NTM: variants seen among roughly 807,000 people sequenced by gnomAD.
NTM encodes neurotrimin.
A neutral mutation model predicts 42.1 loss-of-function variants in NTM; 13 were observed. That is an observed-to-expected ratio of 0.31 (90% CI 0.20 to 0.49). The LOEUF is 0.49. Ranked by LOEUF, NTM falls within the 20% of genes least tolerant of loss-of-function variation. The probability of loss-of-function intolerance (pLI) is 0.99; values close to 1 mark genes in which losing one functional copy is unlikely to be tolerated. For missense variants in NTM, 373 were observed against 452.8 expected (o/e 0.82, Z 1.60); for synonymous variants, 187 against 179.2 (o/e 1.04, Z -0.35).
At chr11:131,404,837 A>T (rs1268342568) in intron 1 of NTM, among the ~76,000 whole-genome samples, 1 of 152,196 alleles carries the variant, frequency 6.6e-6, no homozygotes, top group East Asian at 1.9e-4. Flanking sequence ...ATTGCCATTT[A>T]AAATTCCTTC....
intron 4 of NTM, among the ~76,000 whole-genome samples, chr11:132,213,203 A>G (rs960757056): frequency 1.6e-4 from 24 of 152,148 alleles, no homozygotes; most frequent in Admixed American, 1.1e-3. Context: ...TGTGATTGGC[A>G]TGAAAGACGC....
chr11:131,893,134 G>A (rs1489331627), intron 1 of NTM, among the ~76,000 whole-genome samples: 2 of 152,194 alleles, frequency 1.3e-5, no homozygotes, highest in Admixed American at 1.3e-4. Context: ...TATTGGTAGG[G>A]TTGGGTATTA....
intron 1 of NTM, among the ~76,000 whole-genome samples, chr11:131,635,830 T>A (rs1161239463): frequency 6.6e-6 from 1 of 152,220 alleles, no homozygotes. Flanking sequence ...GTAAGTGCCC[T>A]ATACAGGGGC....
intron 4 of NTM, among the ~76,000 whole-genome samples, chr11:132,260,224 G>A (rs2092761763): frequency 6.6e-6 from 1 of 150,592 alleles, no homozygotes; most frequent in African/African-American, 2.5e-5. Flanking sequence ...GCCCATGGAT[G>A]AATCAATGTT....
At chr11:132,135,023 TG>T (rs1164867085) in intron 2 of NTM, among the ~76,000 whole-genome samples, 4 of 152,104 alleles carry the variant, frequency 2.6e-5, no homozygotes, top group African/African-American at 9.7e-5. Flanking sequence ...CACATGCTCC[TG>T]CCACCCACTG....
intron 1 of NTM, among the ~76,000 whole-genome samples, chr11:131,716,828 C>G (rs997891800): frequency 6.6e-6 from 1 of 152,058 alleles, no homozygotes. Flanking sequence ...CTGTTGATTA[C>G]TAAAGCTTTT....
At chr11:132,068,281 A>G (rs1010418615) in intron 2 of NTM, among the ~76,000 whole-genome samples, 1 of 152,158 alleles carries the variant, frequency 6.6e-6, no homozygotes, top group African/African-American at 2.4e-5. Flanking sequence ...TTTTGCTCAC[A>G]TTTTACTATA....
chr11:131,973,509 A>G (rs10894478), intron 2 of NTM, among the ~76,000 whole-genome samples: 49,384 of 152,072 alleles, frequency 0.32, 8,583 homozygotes, highest in East Asian at 0.48. Flanking sequence ...TGTTCTTCTC[A>G]TCTTGTTTTT....
chr11:131,645,826 T>C (rs1218999438), intron 1 of NTM, among the ~76,000 whole-genome samples: 1 of 152,170 alleles, frequency 6.6e-6, no homozygotes, highest in African/African-American at 2.4e-5. Context: ...ATGGAGCATA[T>C]GGAATGGATG....
At chr11:131,813,313 A>G (rs971232635) in intron 1 of NTM, among the ~76,000 whole-genome samples, 5 of 152,160 alleles carry the variant, frequency 3.3e-5, no homozygotes, top group Admixed American at 6.5e-5. Flanking sequence ...CGCACCTTCA[A>G]AACATATCTA....
chr11:131,572,227 G>C (rs1221502601), intron 1 of NTM, among the ~76,000 whole-genome samples: 1 of 152,094 alleles, frequency 6.6e-6, no homozygotes, highest in African/African-American at 2.4e-5. Context: ...GGGAGGCCAC[G>C]GGGTCAGACC....
intron 1 of NTM, among the ~76,000 whole-genome samples, chr11:131,392,760 C>T (rs558486578): frequency 6.6e-6 from 1 of 152,266 alleles, no homozygotes; most frequent in East Asian, 1.9e-4. Context: ...TCCTCCCAAG[C>T]CTCAGCCTGC....
chr11:131,824,028 C>T lies in NTM; in HGVS notation c.83-87536C>T, dbSNP rs145797126. The stretch of plus-strand genomic sequence containing the variant: ...CTGGGTTACAAACATCTAAGGGAGG[C>T]GGGAGGATAAGAGGATAAAGAGAAT... On this transcript the variant is annotated intron_variant, in intron 1 of 8. Coordinates refer to ENST00000683400, the MANE Select transcript of NTM (RefSeq NM_001352005.2). Among the ~76,000 whole-genome samples, 711 of 152,012 alleles carry T rather than the reference C, an allele frequency of 4.7e-3. 4 individuals are homozygous for T. Among genetic ancestry groups the T allele is most frequent in the African/African-American group, 0.016 (663 of 41,444 alleles).
intron 1 of NTM, among the ~76,000 whole-genome samples, chr11:131,735,227 C>T (rs758984435): frequency 2.7e-4 from 41 of 152,306 alleles, no homozygotes; most frequent in Non-Finnish European, 5.0e-4. Flanking sequence ...GGCAAAGCTC[C>T]AAGGCACTCT....
chr11:132,292,897 AAGGT>A (rs1200682211), intron 4 of NTM, among the ~76,000 whole-genome samples: 1 of 152,082 alleles, frequency 6.6e-6, no homozygotes, highest in Non-Finnish European at 1.5e-5. Flanking sequence ...AGATTTTAAA[AAGGT>A]AGGAAGTTAT....
chr11:131,584,870 T>A (rs2058717287), intron 1 of NTM, among the ~76,000 whole-genome samples: 1 of 152,116 alleles, frequency 6.6e-6, no homozygotes, highest in East Asian at 1.9e-4. Context: ...TCTCCGGGCC[T>A]CCCCCTCTCA....
At chr11:131,785,514 G>C (rs2088994676) in intron 1 of NTM, among the ~76,000 whole-genome samples, 1 of 152,212 alleles carries the variant, frequency 6.6e-6, no homozygotes, top group Non-Finnish European at 1.5e-5. Context: ...CTTTTCCACT[G>C]AAAGAAAGAG....
intron 2 of NTM, among the ~76,000 whole-genome samples, chr11:132,082,701 T>C (rs2136299330): frequency 6.6e-6 from 1 of 152,310 alleles, no homozygotes; most frequent in South Asian, 2.1e-4. Flanking sequence ...GGATGAAGAC[T>C]GATCTTAACT....
At chr11:132,292,787 T>TAAAAAAAAAAAAAA (rs61603794) in intron 4 of NTM, among the ~76,000 whole-genome samples, 4 of 56,572 alleles carry the variant, frequency 7.1e-5, no homozygotes, top group African/African-American at 8.3e-5. Flanking sequence ...GATGTAAAAG[T>TAAAAAAAAAAAAAA]AAAAAAAAAA....
Sources: gnomAD v4.1 joint callset for allele counts (sites outside exome capture counted in the v4.1 genomes callset) on GRCh38, gnomAD v4.1.1 for gene constraint, MANE v1.5 for transcripts, NCBI Gene and HGNC (gene_info 2026-07-23, HGNC 2026-07-21) for gene names.